FHAD1: variants seen among roughly 807,000 people sequenced by gnomAD.
The protein encoded by FHAD1 is forkhead-associated domain-containing protein 1.
Under a neutral mutation model 191.3 loss-of-function variants are expected in FHAD1, and 146 were observed. That is an observed-to-expected ratio of 0.76 (90% CI 0.67 to 0.88). FHAD1 has a LOEUF of 0.88. Among genes scored for constraint, FHAD1 ranks in the 40% least tolerant of loss-of-function variants. The pLI, the probability that FHAD1 is intolerant of heterozygous loss-of-function variation, is 0.00. For synonymous variants in FHAD1, 616 were observed against 672.3 expected (o/e 0.92, Z 1.29); for missense variants, 1,635 against 1,785.8 (o/e 0.92, Z 1.52).
At chr1:15,304,979 T>C (rs1336959470) in intron 6 of FHAD1, among the ~76,000 whole-genome samples, 1 of 152,178 alleles carries the variant, frequency 6.6e-6, no homozygotes, top group Admixed American at 6.5e-5. Context: ...TCCCACCCTG[T>C]CATATCTTAT....
intron 3 of FHAD1, among the ~76,000 whole-genome samples, chr1:15,273,173 C>T (rs1656856933): frequency 6.6e-6 from 1 of 152,050 alleles, no homozygotes; most frequent in South Asian, 2.1e-4. Flanking sequence ...GGAGGATGCA[C>T]AATATCTCTA....
chr1:15,281,730 C>G (rs1255612073), intron 3 of FHAD1, among the ~76,000 whole-genome samples: 1 of 138,576 alleles, frequency 7.2e-6, no homozygotes, highest in East Asian at 2.1e-4. Context: ...TACTGCACTC[C>G]AGCCTGGGTG....
chr1:15,305,699 C>T (rs1670249972), intron 6 of FHAD1: 2 of 429,180 alleles, frequency 4.7e-6, no homozygotes. Flanking sequence ...CTCATGAGAT[C>T]TGATGGTTTT....
rs1663682310 is a variant in FHAD1 at position 15,289,413 on chromosome 1, G to A, written c.315G>A (p.Trp105Ter). The A allele has an allele frequency of 1.9e-6, 3 of 1,551,692 alleles. No homozygotes were observed. The African/African-American group carries it at 4.1e-5, about 21-fold the overall frequency. The change falls in exon 4 of 34, where the codon TGG becomes TGA. Residue 105 changes from tryptophan to a stop codon, truncating the protein, a stop_gained. Transcript: ENST00000688493. LOFTEE classifies it high-confidence loss of function. This position sits in a 1 kb window ranked among gnomAD's most constrained non-coding sequence, Gnocchi z 4.2. Reference protein sequence around the residue: ...IENPPPVSFPWMRGPAPWPGP... With the variant: ...IENPPPVSFP The stretch of plus-strand genomic sequence containing the variant: ...TGCCCCTGCAGGTCTCTTTCCCATG[G>A]ATGAGGGGCCCAGCACCATGGCCAG...
At chr1:15,294,120 C>T (rs1184598727) in intron 4 of FHAD1, among the ~76,000 whole-genome samples, 3 of 152,196 alleles carry the variant, frequency 2.0e-5, no homozygotes, top group African/African-American at 4.8e-5. Context: ...GGCCTCTCTG[C>T]TCCAGGCTTA....
rs1424023369 is a variant in FHAD1, at chr1:15,382,180, T to C, written c.4175T>C (p.Ile1392Thr). 7.7e-6 allele frequency: 12 copies of C among 1,551,110 alleles called. No homozygotes were observed. The highest frequency in any genetic ancestry group is 9.6e-6 in the Non-Finnish European group (11 of 1,146,986). ...CAGGAGAAGAGGATCAACAGGGCCA[T>C]CCGGCAGCAGAAGGTGAGGCGCTGC... ...LCQEKRINRAIRQQKESVEEH... is the reference protein window; with the variant it reads ...LCQEKRINRATRQQKESVEEH... Residue 1392 changes from isoleucine (I) to threonine (T), a missense_variant, in exon 31 of 34, where the codon ATC (isoleucine) becomes ACC (threonine). Physicochemically the swap from Ile to Thr is moderately conservative, Grantham distance 89 (BLOSUM62 -1). Coordinates refer to ENST00000688493, the MANE Select transcript of FHAD1 (RefSeq NM_001391957.1).
intron 31 of FHAD1, among the ~76,000 whole-genome samples, chr1:15,387,695 G>A (rs533796037): frequency 6.2e-4 from 95 of 152,156 alleles, no homozygotes; most frequent in African/African-American, 2.2e-3. Flanking sequence ...GACCAGCCTG[G>A]CAATATGGCA....
chr1:15,282,437 A>G (rs1448967091), intron 3 of FHAD1, among the ~76,000 whole-genome samples: 1 of 152,198 alleles, frequency 6.6e-6, no homozygotes, highest in Non-Finnish European at 1.5e-5. Context: ...GTTTTTATTG[A>G]TTTTTGCCAA....
At chr1:15,263,383 A>G (rs542198205) in intron 2 of FHAD1, among the ~76,000 whole-genome samples, 135 of 149,736 alleles carry the variant, frequency 9.0e-4, no homozygotes, top group Non-Finnish European at 1.4e-3. Flanking sequence ...TGTCAAATCT[A>G]TTGTCCGGAA....
chr1:15,279,876 ATG>A (rs1057262788), intron 3 of FHAD1, among the ~76,000 whole-genome samples: 37 of 152,172 alleles, frequency 2.4e-4, no homozygotes, highest in African/African-American at 8.2e-4. Flanking sequence ...GATGGATGCA[ATG>A]TAGGGAGGAA....
At chr1:15,391,536 G>A (rs1278856388) in intron 33 of FHAD1, among the ~76,000 whole-genome samples, 1 of 152,114 alleles carries the variant, frequency 6.6e-6, no homozygotes, top group African/African-American at 2.4e-5. Context: ...TAAACATGTT[G>A]AATCATTGCC....
At chr1:15,331,836 G>A (rs553567324) in intron 14 of FHAD1, among the ~76,000 whole-genome samples, 1 of 152,216 alleles carries the variant, frequency 6.6e-6, no homozygotes, top group Admixed American at 6.5e-5. Flanking sequence ...TTGAAGAACA[G>A]CCAGAGAACT....
intron 8 of FHAD1, 103 bp downstream of exon 8, chr1:15,313,290 A>G: frequency 1.9e-6 from 2 of 1,045,976 alleles, no homozygotes; most frequent in Non-Finnish European, 2.4e-6. Context: ...CCTTAGTTTA[A>G]ATTTCATTCC....
In FHAD1 at chr1:15,375,703, A is replaced by G. The variant is rs1207590253; in HGVS notation, c.3678A>G (p.Pro1226=). Residue 1226 remains proline, a synonymous_variant, in exon 28 of 34, where the codon CCA becomes CCG. Transcript: ENST00000688493. ...TACTGGATGCAAAACCGGATTTGCC[A>G]ACTCTCTCAAGAATAGAGATCCTAG... The part of the protein sequence containing the change: ...KILLDAKPDL[P]TLSRIEILAP... 6 of 1,546,334 alleles carry G rather than the reference A, an allele frequency of 3.9e-6. No homozygotes were observed. In the Admixed American group the frequency reaches 1.0e-4, roughly 26 times the overall value.
intron 25 of FHAD1, 65 bp downstream of exon 25, chr1:15,367,687 CAG>C: frequency 2.2e-6 from 3 of 1,334,732 alleles, no homozygotes; most frequent in Non-Finnish European, 3.1e-6. Flanking sequence ...CTGAGTATTG[CAG>C]AGAGAGGGCT....
Position 15,339,477 on chromosome 1 carries a change from T to A in FHAD1, c.1907-4T>A, listed in dbSNP as rs1340349376. The A allele has an allele frequency of 8.0e-7, 1 of 1,251,240 alleles. No individual in the cohort carries two copies. The highest frequency in any genetic ancestry group is 2.7e-5 in the Admixed American group (1 of 37,454). 77.5% of individuals were successfully genotyped at this position (1,251,240 alleles called of 1,614,324 possible). A position where few individuals can be genotyped will look rare whatever the true frequency, so the allele number is the denominator to read the frequency against. ...TACATTCTTCCTGCTTCTCTTTTTT[T>A]AAGGGTTCTCTTTGTATCTGATATA... On this transcript the variant is annotated splice_region_variant and splice_polypyrimidine_tract_variant and intron_variant, in intron 14 of 33. Transcript: ENST00000688493.
At chr1:15,261,770 C>T (rs1573746729) in intron 2 of FHAD1, among the ~76,000 whole-genome samples, 1 of 152,314 alleles carries the variant, frequency 6.6e-6, no homozygotes, top group Non-Finnish European at 1.5e-5. Flanking sequence ...TCTGTTTCTG[C>T]ATTACATCCC....
At chr1:15,366,911 G>A (rs556801828) in intron 24 of FHAD1, among the ~76,000 whole-genome samples, 14 of 152,310 alleles carry the variant, frequency 9.2e-5, no homozygotes, top group African/African-American at 2.6e-4. Flanking sequence ...AAACAGGCAG[G>A]AGCTGGAAGA....
chr1:15,280,059 G>A (rs1257284291), intron 3 of FHAD1, among the ~76,000 whole-genome samples: 4 of 152,220 alleles, frequency 2.6e-5, no homozygotes, highest in African/African-American at 7.2e-5. Flanking sequence ...TTTTCTCCTC[G>A]GTGTATGATG....
Sources: gnomAD v4.1 joint callset for allele counts (sites outside exome capture counted in the v4.1 genomes callset) on GRCh38, gnomAD v4.1.1 for gene constraint, Gnocchi (gnomAD v3.1) non-coding constraint, MANE v1.5 for transcripts, NCBI Gene and HGNC (gene_info 2026-07-23, HGNC 2026-07-21) for gene names.